PALM2AKAP2: variants seen among roughly 807,000 people sequenced by gnomAD.
The protein encoded by PALM2AKAP2 is PALM2-AKAP2 fusion protein.
PALM2AKAP2 carries 37 observed loss-of-function variants against 71.5 expected under a neutral mutation model. The observed-to-expected ratio is 0.52, with a 90% CI of 0.40 to 0.68. The LOEUF (loss-of-function observed/expected upper bound fraction) is 0.68, where lower values mean the gene tolerates loss of function less well. Ranked by LOEUF, PALM2AKAP2 falls within the 30% of genes least tolerant of loss-of-function variation. PALM2AKAP2 has a pLI of 0.00. For missense variants in PALM2AKAP2, 1,224 were observed against 1,191.8 expected, an observed-to-expected ratio of 1.03 and a Z score of -0.40; for synonymous variants, 468 against 478.8, an observed-to-expected ratio of 0.98 and a Z score of 0.29.
At chr9:109,960,080 C>A (rs895793551) in intron 6 of PALM2AKAP2, among the ~76,000 whole-genome samples, 1 of 152,164 alleles carries the variant, frequency 6.6e-6, no homozygotes, top group Non-Finnish European at 1.5e-5. Context: ...CCACTGATTC[C>A]CAACATAAAT....
At chr9:109,703,841 T>C (rs1208441078) in intron 1 of PALM2AKAP2, among the ~76,000 whole-genome samples, 1 of 152,082 alleles carries the variant, frequency 6.6e-6, no homozygotes, top group African/African-American at 2.4e-5. Flanking sequence ...ACAGAGGACA[T>C]TAGTTTATGC....
intron 1 of PALM2AKAP2, among the ~76,000 whole-genome samples, chr9:109,842,363 A>G (rs930948980): frequency 3.3e-5 from 5 of 152,218 alleles, no homozygotes; most frequent in Non-Finnish European, 5.9e-5. Context: ...TCAAAGAAAG[A>G]AGGGACTTTG....
At chr9:109,946,028 T>C (rs953182973) in intron 6 of PALM2AKAP2, 1 of 152,246 alleles carries the variant, frequency 6.6e-6, no homozygotes, top group East Asian at 1.9e-4. Context: ...TCGAGCTATT[T>C]GTAGCCACAC....
intron 1 of PALM2AKAP2, among the ~76,000 whole-genome samples, chr9:109,831,392 G>A (rs1214164974): frequency 6.6e-6 from 1 of 152,122 alleles, no homozygotes; most frequent in Non-Finnish European, 1.5e-5. Flanking sequence ...AGATGTTGAT[G>A]GTTTGAGGTG....
chr9:110,053,332 C>A (rs969575541), intron 1 of PALM2AKAP2, among the ~76,000 whole-genome samples: 3 of 151,972 alleles, frequency 2.0e-5, no homozygotes, highest in African/African-American at 7.3e-5. Context: ...TGGAGACCAG[C>A]CTGGCCAACA....
chr9:110,136,903 G>A (rs1835890934), exon 2 of PALM2AKAP2: 1 of 1,614,070 alleles, frequency 6.2e-7, no homozygotes, highest in African/African-American at 1.3e-5. Flanking sequence ...AAAAGGAGAG[G>A]AGAGAGCTCA....
intron 1 of PALM2AKAP2, among the ~76,000 whole-genome samples, chr9:109,712,990 C>T (rs991168984): frequency 6.6e-6 from 1 of 152,196 alleles, no homozygotes; most frequent in Admixed American, 6.5e-5. Context: ...GCCACACAGT[C>T]CAGATGAATG....
chr9:109,894,351 A>G (rs1201447247), intron 3 of PALM2AKAP2, among the ~76,000 whole-genome samples: 1 of 152,146 alleles, frequency 6.6e-6, no homozygotes, highest in Non-Finnish European at 1.5e-5. Context: ...AAAACAAACA[A>G]ACAAACAAAA....
intron 5 of PALM2AKAP2, among the ~76,000 whole-genome samples, chr9:109,927,640 G>A (rs1167169528): frequency 6.6e-6 from 1 of 152,120 alleles, no homozygotes; most frequent in Non-Finnish European, 1.5e-5. Context: ...CCGTACTGCT[G>A]GATCACCAGT....
At chr9:109,927,717 T>C (rs1364710105) in intron 5 of PALM2AKAP2, among the ~76,000 whole-genome samples, 2 of 152,204 alleles carry the variant, frequency 1.3e-5, no homozygotes, top group Non-Finnish European at 2.9e-5. Context: ...TAGAATCTCC[T>C]GGTCATATAC....
At chr9:109,947,632 G>T (rs1450052948) in intron 6 of PALM2AKAP2, among the ~76,000 whole-genome samples, 1 of 152,086 alleles carries the variant, frequency 6.6e-6, no homozygotes, top group Non-Finnish European at 1.5e-5. Context: ...TAAGCATCGA[G>T]GACTTTTTCT....
At chr9:109,861,825 A>G (rs569286446) in intron 1 of PALM2AKAP2, among the ~76,000 whole-genome samples, 2 of 152,320 alleles carry the variant, frequency 1.3e-5, no homozygotes, top group African/African-American at 4.8e-5. Flanking sequence ...TTATGGACTG[A>G]TGGCCAATGT....
chr9:109,996,883 C>T (rs371871534), intron 6 of PALM2AKAP2, among the ~76,000 whole-genome samples: 1 of 152,170 alleles, frequency 6.6e-6, no homozygotes, highest in Non-Finnish European at 1.5e-5. Flanking sequence ...TGTGTGTGTG[C>T]ATGTGTGTAC....
intron 6 of PALM2AKAP2, among the ~76,000 whole-genome samples, chr9:109,991,716 C>T (rs145585675): frequency 1.3e-3 from 191 of 152,256 alleles, no homozygotes; most frequent in Middle Eastern, 3.4e-3. Context: ...CTCTGGTGGC[C>T]GCTAAGGAAA....
chr9:109,896,113 A>G (rs1046769683), intron 3 of PALM2AKAP2, among the ~76,000 whole-genome samples: 7 of 151,010 alleles, frequency 4.6e-5, no homozygotes, highest in Non-Finnish European at 1.0e-4. Flanking sequence ...CGAACCTGGG[A>G]GGCGGAAGTT....
chr9:109,723,315 A>G (rs1587882733), intron 1 of PALM2AKAP2, among the ~76,000 whole-genome samples: 1 of 152,280 alleles, frequency 6.6e-6, no homozygotes, highest in South Asian at 2.1e-4. Context: ...ACCGCCCAGC[A>G]CCGACCTTAT....
intron 7 of PALM2AKAP2, among the ~76,000 whole-genome samples, chr9:110,017,696 G>A (rs1403877549): frequency 1.3e-5 from 2 of 151,736 alleles, no homozygotes; most frequent in East Asian, 3.9e-4. Context: ...CAGAAAGACT[G>A]GAGTTTGCTT....
chr9:110,064,803 G>A (rs1834040562), intron 1 of PALM2AKAP2, among the ~76,000 whole-genome samples: 1 of 152,164 alleles, frequency 6.6e-6, no homozygotes, highest in African/African-American at 2.4e-5. Context: ...TGGGACCTCG[G>A]TGGCCCCGTG....
intron 6 of PALM2AKAP2, among the ~76,000 whole-genome samples, chr9:110,011,678 C>G (rs1375083123): frequency 6.6e-6 from 1 of 152,202 alleles, no homozygotes; most frequent in Non-Finnish European, 1.5e-5. Context: ...AAGACAGGGT[C>G]TCCTGCCCCT....
Sources: gnomAD v4.1 joint callset for allele counts (sites outside exome capture counted in the v4.1 genomes callset) on GRCh38, gnomAD v4.1.1 for gene constraint, MANE v1.5 for transcripts, NCBI Gene and HGNC (gene_info 2026-07-23, HGNC 2026-07-21) for gene names.